Variants in TTC6 observed in about 807,000 individuals in gnomAD.
The protein encoded by TTC6 is tetratricopeptide repeat protein 6.
A neutral mutation model predicts 210.4 loss-of-function variants in TTC6; 172 were observed. The ratio of observed to expected loss-of-function variants is 0.82; its 90% CI spans 0.72 to 0.93. The LOEUF is 0.93. Among genes scored for constraint, TTC6 ranks in the 40% least tolerant of loss-of-function variants. The pLI is 0.00. For synonymous variants in TTC6, 804 were observed against 819.6 expected (o/e 0.98, Z 0.32); for missense variants, 2,414 against 2,318.1 (o/e 1.04, Z -0.85).
At position 37,622,246 on chromosome 14, in the gene TTC6, GC is replaced by G; in HGVS notation, c.186del (p.Ala63ArgfsTer71). On this transcript the variant is annotated frameshift_variant, in exon 1 of 31. Transcript: ENST00000553443. LOFTEE classifies it high-confidence loss of function. ...AGCCTCCATGCCCCCGGCCCGGCCC[GC>G]CCCGCGCGCGTTTCCTGCGCCGCAG... 6.5e-7 allele frequency: 1 copy of G among 1,535,142 alleles called. No individual in the cohort carries two copies. The highest frequency in any genetic ancestry group is 8.7e-7 in the Non-Finnish European group (1 of 1,146,498).
chr14:37,713,525 AC>A (rs201716151), intron 5 of TTC6, among the ~76,000 whole-genome samples: 2,761 of 152,294 alleles, frequency 0.018, 81 homozygotes, highest in African/African-American at 0.063. Flanking sequence ...GGCATGAACC[AC>A]CATGCCTGGC....
chr14:37,724,592 C>G (rs2095868007), intron 6 of TTC6, among the ~76,000 whole-genome samples: 1 of 152,048 alleles, frequency 6.6e-6, no homozygotes, highest in Admixed American at 6.6e-5. Context: ...AAGAATTTGC[C>G]TACACTATAT....
In TTC6 at chr14:37,598,914, G is replaced by C. The variant is rs35566516; in HGVS notation, c.-235+2906G>C. Among the ~76,000 whole-genome samples the C allele has an allele frequency of 2.4e-4, 36 of 152,254 alleles. No homozygotes were observed. Among genetic ancestry groups the C allele is most frequent in the African/African-American group, 7.7e-4 (32 of 41,574 alleles). On this transcript the variant is annotated intron_variant, in intron 1 of 2. Coordinates refer to the TTC6 transcript ENST00000556845. This position sits in a 1 kb window ranked among gnomAD's most constrained non-coding sequence, Gnocchi z 4.9. ...AGCCATGCTTGGTGTGGAGTGGTTC[G>C]AGTTCCTCCGCGGGCCCCCACCCCC...
chr14:37,750,724 A>T (rs542807335), intron 12 of TTC6, among the ~76,000 whole-genome samples: 2 of 150,524 alleles, frequency 1.3e-5, no homozygotes, highest in East Asian at 2.0e-4. Flanking sequence ...CTGTGTCTAT[A>T]AAAAAAAATA....
chr14:37,748,978 T>C, exon 11 of TTC6: 7 of 1,528,066 alleles, frequency 4.6e-6, no homozygotes, highest in Non-Finnish European at 6.1e-6. Context: ...AGAAGAAATA[T>C]TTGTTCAAAG....
intron 7 of TTC6, among the ~76,000 whole-genome samples, chr14:37,727,977 C>A (rs147329692): frequency 3.9e-5 from 6 of 152,218 alleles, no homozygotes; most frequent in African/African-American, 1.4e-4. Flanking sequence ...GATATTGTGG[C>A]CAGACTAAGC....
chr14:37,659,587 G>C (rs2139456230), intron 1 of TTC6, among the ~76,000 whole-genome samples: 1 of 152,052 alleles, frequency 6.6e-6, no homozygotes, highest in African/African-American at 2.4e-5. Context: ...GAGTGCAATG[G>C]CACAATCTTG....
intron 21 of TTC6, among the ~76,000 whole-genome samples, chr14:37,805,952 G>T (rs1440614989): frequency 2.0e-5 from 3 of 151,984 alleles, no homozygotes; most frequent in African/African-American, 7.3e-5. Flanking sequence ...CGCCCGCCTT[G>T]GTCTCTCAAA....
intron 1 of TTC6, among the ~76,000 whole-genome samples, chr14:37,653,478 C>T (rs1308685410): frequency 6.6e-6 from 1 of 152,038 alleles, no homozygotes; most frequent in East Asian, 1.9e-4. Flanking sequence ...TTGTTCCCTC[C>T]TTTTCTGAGA....
exon 1 of TTC6, chr14:37,622,458 G>A: frequency 1.3e-6 from 2 of 1,535,218 alleles, no homozygotes; most frequent in Non-Finnish European, 1.7e-6. Flanking sequence ...ACGGCACCAG[G>A]CCCTGAAAAA....
At position 37,758,915 on chromosome 14, in the gene TTC6, G is replaced by C. The variant is rs552754528; in HGVS notation, c.3266+5680G>C. On this transcript the variant is annotated intron_variant, in intron 14 of 30. Coordinates refer to ENST00000553443, the Ensembl canonical transcript of TTC6. ...AAATCCATCATCATTTGCTTGTCTGGAAAGGATTCTATTTCTCCTTCACTT... is the reference window on the plus strand; with the variant it reads ...AAATCCATCATCATTTGCTTGTCTGCAAAGGATTCTATTTCTCCTTCACTT... 2.6e-5 allele frequency among the ~76,000 whole-genome samples: 4 copies of C among 152,210 alleles called. No homozygotes were observed. In the South Asian group the frequency reaches 8.3e-4, roughly 32 times the overall value.
intron 2 of TTC6, among the ~76,000 whole-genome samples, chr14:37,614,057 A>G (rs1398270253): frequency 1.3e-5 from 2 of 151,498 alleles, no homozygotes; most frequent in Non-Finnish European, 3.0e-5. Flanking sequence ...TTGATTTTAG[A>G]CCTTTCTTCT....
At chr14:37,702,747 T>C (rs927832549) in intron 5 of TTC6, among the ~76,000 whole-genome samples, 6 of 152,308 alleles carry the variant, frequency 3.9e-5, no homozygotes, top group African/African-American at 1.4e-4. Context: ...ATATTTTGAA[T>C]GCATTTTCTC....
intron 7 of TTC6, among the ~76,000 whole-genome samples, chr14:37,732,682 A>C (rs891774145): frequency 1.9e-4 from 29 of 151,586 alleles, no homozygotes; most frequent in East Asian, 1.2e-3. Context: ...GCAGTGGCAC[A>C]ATCTCGGCTC....
chr14:37,770,626 C>T (rs1390833105), intron 14 of TTC6, among the ~76,000 whole-genome samples: 1 of 151,734 alleles, frequency 6.6e-6, no homozygotes, highest in Non-Finnish European at 1.5e-5. Context: ...GGATTGCAAC[C>T]CCTGCCTTTT....
intron 2 of TTC6, among the ~76,000 whole-genome samples, chr14:37,610,271 A>C (rs935320750): frequency 6.6e-6 from 1 of 152,202 alleles, no homozygotes; most frequent in Non-Finnish European, 1.5e-5. Flanking sequence ...TTTTATCGTG[A>C]ACTTCTGAGA....
intron 26 of TTC6, among the ~76,000 whole-genome samples, chr14:37,820,321 C>T (rs1566973373): frequency 6.6e-6 from 1 of 152,170 alleles, no homozygotes; most frequent in Non-Finnish European, 1.5e-5. Flanking sequence ...CTCTTTTCAG[C>T]TTTAAGATTT....
chr14:37,738,013 A>G (rs1348034517), intron 9 of TTC6, among the ~76,000 whole-genome samples: 3 of 151,948 alleles, frequency 2.0e-5, no homozygotes, highest in Admixed American at 6.6e-5. Context: ...AAAGAACTAC[A>G]TCTGTATAAC....
At chr14:37,822,025 C>T (rs1367196636) in intron 26 of TTC6, among the ~76,000 whole-genome samples, 1 of 151,830 alleles carries the variant, frequency 6.6e-6, no homozygotes, top group Non-Finnish European at 1.5e-5. Context: ...GTGATCCACC[C>T]ACCTCAGCCT....
Sources: allele counts gnomAD v4.1 joint callset (sites outside exome capture counted in the v4.1 genomes callset), GRCh38; gene constraint gnomAD v4.1.1; non-coding constraint Gnocchi (gnomAD v3.1); transcripts MANE v1.5; gene names NCBI Gene and HGNC (gene_info 2026-07-23, HGNC 2026-07-21).